Variants in COL4A1 observed in about 807,000 individuals in gnomAD.
The protein encoded by COL4A1 is collagen alpha-1(IV) chain.
Under a neutral mutation model 216.6 loss-of-function variants are expected in COL4A1, and 40 were observed. The ratio of observed to expected loss-of-function variants is 0.18; its 90% CI spans 0.14 to 0.24. The LOEUF (loss-of-function observed/expected upper bound fraction) is 0.24, where lower values mean the gene tolerates loss of function less well. COL4A1 is among the 10% of genes least tolerant of loss of function. COL4A1 has a pLI of 1.00. For synonymous variants in COL4A1, 839 were observed against 810.7 expected (o/e 1.03, Z -0.59); for missense variants, 1,628 against 2,196.8 (o/e 0.74, Z 5.18).
intron 1 of COL4A1, among the ~76,000 whole-genome samples, chr13:110,305,388 T>C (rs1163693897): frequency 6.6e-6 from 1 of 152,262 alleles, no homozygotes. Flanking sequence ...CTTTCTACAG[T>C]CCTGGATGTT....
rs1339538900 is a variant in COL4A1, at chr13:110,213,919, T to C, written c.234+7A>G. The C allele has an allele frequency of 1.9e-6, 3 of 1,614,004 alleles. No individual in the cohort carries two copies. In the Admixed American group the frequency reaches 5.0e-5, roughly 27 times the overall value. ...CCACCCACCCCCAATCCCACAGCCG[T>C]GCTTACCTTTTGTCCTGGTGGTCCC... On this transcript the variant is annotated splice_region_variant and intron_variant, in intron 3 of 51. Coordinates refer to ENST00000375820, the MANE Select transcript of COL4A1 (RefSeq NM_001845.6).
intron 41 of COL4A1, among the ~76,000 whole-genome samples, chr13:110,171,957 A>C (rs541830570): frequency 1.3e-5 from 2 of 152,322 alleles, no homozygotes; most frequent in Admixed American, 6.5e-5. Context: ...GTCAGACTAC[A>C]TGCCTGCCAA....
intron 1 of COL4A1, among the ~76,000 whole-genome samples, chr13:110,274,227 A>C (rs1474553883): frequency 1.3e-5 from 2 of 152,184 alleles, no homozygotes; most frequent in Non-Finnish European, 2.9e-5. Flanking sequence ...AATGGGATAG[A>C]AGTCCATGGT....
chr13:110,187,437 G>T, intron 24 of COL4A1, 108 bp from the exon 25 acceptor site: 1 of 1,285,888 alleles, frequency 7.8e-7, no homozygotes. Context: ...TCTTGAAAAT[G>T]GTCATGCATT....
At chr13:110,273,092 G>A (rs533144467) in intron 1 of COL4A1, among the ~76,000 whole-genome samples, 1 of 152,330 alleles carries the variant, frequency 6.6e-6, no homozygotes, top group African/African-American at 2.4e-5. Context: ...GTAAATGGCT[G>A]CCTGATCATG....
intron 1 of COL4A1, among the ~76,000 whole-genome samples, chr13:110,283,432 T>TA (rs1349914960): frequency 6.6e-6 from 1 of 152,184 alleles, no homozygotes; most frequent in Non-Finnish European, 1.5e-5. Context: ...AGCCATGATG[T>TA]AAACTCACTA....
chr13:110,289,087 G>A (rs58889764), intron 1 of COL4A1, among the ~76,000 whole-genome samples: 23,343 of 152,110 alleles, frequency 0.15, 1,858 homozygotes, highest in South Asian at 0.2. Flanking sequence ...GGAGAGGAGA[G>A]GACAGAGTGG....
In COL4A1 at chr13:110,178,995, G is replaced by A. The variant is rs1263334693; in HGVS notation, c.2386C>T (p.Pro796Ser). The A allele has an allele frequency of 6.2e-7, 1 of 1,611,912 alleles. No homozygotes were observed. The highest frequency in any genetic ancestry group is 8.5e-7 in the Non-Finnish European group (1 of 1,179,510). Reference protein sequence around the residue: ...PPGLPGSVGSPGVPGIGPPGA... With the variant: ...PPGLPGSVGSSGVPGIGPPGA... ...GGGGGGCCTATTCCTGGAACTCCTG[G>A]AGACCCCACGGAGCCTGGCAATCCA... Residue 796 changes from proline to serine, a missense_variant, in exon 31 of 52, where the codon CCA becomes TCA. Coordinates refer to ENST00000375820, the MANE Select transcript of COL4A1 (RefSeq NM_001845.6).
At chr13:110,206,955 T>C (rs1879546718) in intron 13 of COL4A1, 64 bp from the exon 14 acceptor site, 2 of 1,530,488 alleles carry the variant, frequency 1.3e-6, no homozygotes, top group Admixed American at 3.6e-5. Context: ...ATATGCTGCA[T>C]TAAACACACA....
At chr13:110,235,904 GA>G (rs2139237657) in intron 2 of COL4A1, among the ~76,000 whole-genome samples, 1 of 152,222 alleles carries the variant, frequency 6.6e-6, no homozygotes, top group East Asian at 1.9e-4. Context: ...GTGTAAATTA[GA>G]GGAAAGATCA....
chr13:110,281,531 T>TA (rs540686996), intron 1 of COL4A1, among the ~76,000 whole-genome samples: 14 of 151,756 alleles, frequency 9.2e-5, no homozygotes, highest in East Asian at 5.8e-4. Flanking sequence ...AGAAAATGTT[T>TA]AAAAAAAACA....
intron 2 of COL4A1, among the ~76,000 whole-genome samples, chr13:110,220,454 GTGGCTCC>G (rs1268554817): frequency 6.6e-6 from 1 of 152,184 alleles, no homozygotes. Context: ...AGAACGGCTT[GTGGCTCC>G]TGACTGGCAT....
At chr13:110,188,046 C>T (rs1051129640) in intron 24 of COL4A1, among the ~76,000 whole-genome samples, 1 of 152,228 alleles carries the variant, frequency 6.6e-6, no homozygotes, top group East Asian at 1.9e-4. Flanking sequence ...GAACGTTGCT[C>T]AGTTCCTGGA....
intron 29 of COL4A1, 94 bp from the exon 30 acceptor site, chr13:110,179,515 C>T: frequency 6.4e-7 from 1 of 1,551,560 alleles, no homozygotes; most frequent in Non-Finnish European, 8.9e-7. Context: ...ACAGATACTG[C>T]CAATGCATTT....
At position 110,150,585 on chromosome 13, in the gene COL4A1, C is replaced by T. The variant is rs1876456521; in HGVS notation, c.4929-141G>A. On this transcript the variant is annotated intron_variant, in intron 51 of 51. Coordinates refer to ENST00000375820, the MANE Select transcript of COL4A1 (RefSeq NM_001845.6). ...CCTCAACCTGGTACCACCCAGTGAG[C>T]AGGCAGGTGCTGGGTGCAGTGCACA... 10 of 806,654 alleles carry T rather than the reference C, an allele frequency of 1.2e-5. 1 individual carries two copies. Among genetic ancestry groups the T allele is most frequent in the South Asian group, 8.7e-5 (6 of 68,970 alleles). 50.0% of individuals were successfully genotyped at this position (806,654 alleles called of 1,614,324 possible). A position where few individuals can be genotyped will look rare whatever the true frequency, so the allele number is the denominator to read the frequency against.
intron 1 of COL4A1, among the ~76,000 whole-genome samples, chr13:110,262,920 C>T (rs1882885380): frequency 6.6e-6 from 1 of 152,208 alleles, no homozygotes; most frequent in Non-Finnish European, 1.5e-5. Context: ...CGGCTGCTAG[C>T]ACTGATCCCC....
intron 8 of COL4A1, among the ~76,000 whole-genome samples, chr13:110,210,996 A>C (rs1365872832): frequency 6.6e-6 from 1 of 152,128 alleles, no homozygotes; most frequent in Admixed American, 6.5e-5. Flanking sequence ...CCACACACAC[A>C]CATGCTCCTG....
intron 43 of COL4A1, among the ~76,000 whole-genome samples, chr13:110,167,774 G>C (rs1243719389): frequency 6.6e-6 from 1 of 152,152 alleles, no homozygotes; most frequent in East Asian, 1.9e-4. Context: ...TTTTAAAATA[G>C]GGGCTCATTT....
chr13:110,261,413 T>C (rs1282147622), intron 1 of COL4A1, among the ~76,000 whole-genome samples: 1 of 152,278 alleles, frequency 6.6e-6, no homozygotes, highest in Non-Finnish European at 1.5e-5. Context: ...CTCACTGGTT[T>C]GCTGCTGCGT....
Sources: gnomAD v4.1 joint callset for allele counts (sites outside exome capture counted in the v4.1 genomes callset) on GRCh38, gnomAD v4.1.1 for gene constraint, MANE v1.5 for transcripts, NCBI Gene and HGNC (gene_info 2026-07-23, HGNC 2026-07-21) for gene names.